The following CTNND1 variants were observed in gnomAD, a reference collection of about 807,000 sequenced individuals.
The protein encoded by CTNND1 is catenin delta 1.
A neutral mutation model predicts 112.1 loss-of-function variants in CTNND1; 16 were observed. The ratio of observed to expected loss-of-function variants is 0.14; its 90% CI spans 0.10 to 0.22. The LOEUF is 0.22. Ranked by LOEUF, CTNND1 falls within the 10% of genes least tolerant of loss-of-function variation. CTNND1 has a pLI of 1.00. For missense variants in CTNND1, 1,008 were observed against 1,257.0 expected, an observed-to-expected ratio of 0.80 and a Z score of 3.00; for synonymous variants, 420 against 446.5, an observed-to-expected ratio of 0.94 and a Z score of 0.75.
At chr11:57,776,932 T>G (rs75516064) in intron 1 of CTNND1, among the ~76,000 whole-genome samples, 182 of 152,324 alleles carry the variant, frequency 1.2e-3, no homozygotes, top group African/African-American at 3.9e-3. Context: ...TCTCCCCTAC[T>G]AAAAGCTACT....
chr11:57,777,393 T>A (rs1954575221), intron 1 of CTNND1, among the ~76,000 whole-genome samples: 1 of 152,162 alleles, frequency 6.6e-6, no homozygotes, highest in Non-Finnish European at 1.5e-5. Context: ...CTTAGCCACC[T>A]GGAGTAGCTT....
intron 9 of CTNND1, among the ~76,000 whole-genome samples, chr11:57,805,401 G>A (rs531082041): frequency 2.0e-5 from 3 of 151,880 alleles, no homozygotes; most frequent in South Asian, 2.1e-4. Context: ...CTGCCACCAT[G>A]CCCGGCTAAT....
In CTNND1 at chr11:57,796,918, G is replaced by A; in HGVS notation, c.882G>A (p.Leu294=). The A allele has an allele frequency of 6.3e-7, 1 of 1,583,896 alleles. No homozygotes were observed. Among genetic ancestry groups the A allele is most frequent in the South Asian group, 1.1e-5 (1 of 88,072 alleles). Residue 294 remains leucine (L), a synonymous_variant, in exon 6 of 21, where the codon CTG becomes CTA. Transcript: ENST00000399050. The part of the protein sequence containing the change: ...DDQRSMGYDD[L]DYGMMSDYGT... ...AGCGTAGTATGGGCTATGATGACCT[G>A]GATTATGGTATGATGTCTGATTATG...
At chr11:57,782,032 T>C (rs1415876425) in intron 1 of CTNND1, among the ~76,000 whole-genome samples, 2 of 151,678 alleles carry the variant, frequency 1.3e-5, no homozygotes, top group Admixed American at 1.3e-4. Context: ...ATGGTGGAGG[T>C]GATTTTTTTT....
At chr11:57,813,074 T>C (rs1236852981) in intron 17 of CTNND1, among the ~76,000 whole-genome samples, 1 of 152,202 alleles carries the variant, frequency 6.6e-6, no homozygotes, top group African/African-American at 2.4e-5. Flanking sequence ...CTCATGCTTA[T>C]AATCTCAGTA....
chr11:57,763,406 C>T (rs923195998), intron 1 of CTNND1, among the ~76,000 whole-genome samples: 9 of 152,234 alleles, frequency 5.9e-5, no homozygotes, highest in Non-Finnish European at 1.0e-4. Flanking sequence ...TCTCCCCTCA[C>T]CCCCCTGCCA....
At chr11:57,800,529 A>G (rs969147743) in intron 6 of CTNND1, among the ~76,000 whole-genome samples, 11 of 152,108 alleles carry the variant, frequency 7.2e-5, no homozygotes, top group African/African-American at 2.7e-4. Context: ...CAGCCTCCCA[A>G]AGTGCTGGGA....
chr11:57,815,669 A>G (rs765966049), intron 19 of CTNND1, 169 bp downstream of exon 19: 1 of 802,270 alleles, frequency 1.2e-6, no homozygotes, highest in Non-Finnish European at 2.2e-6. Flanking sequence ...TTGGGCCGTT[A>G]TTCTGCAGTG....
intron 1 of CTNND1, among the ~76,000 whole-genome samples, chr11:57,772,321 A>G (rs1284474463): frequency 2.0e-5 from 3 of 152,130 alleles, no homozygotes; most frequent in Non-Finnish European, 2.9e-5. Context: ...GTGACAGCCT[A>G]GACCTGTACA....
intron 14 of CTNND1, 66 bp from the exon 15 acceptor site, chr11:57,809,208 G>C: frequency 1.7e-6 from 2 of 1,155,722 alleles, no homozygotes; most frequent in Middle Eastern, 2.7e-4. Flanking sequence ...ATGCAGTTAA[G>C]TATAATGTAA....
intron 10 of CTNND1, 141 bp from the exon 11 acceptor site, chr11:57,806,320 G>A (rs1181636653): frequency 1.0e-5 from 9 of 882,206 alleles, no homozygotes; most frequent in East Asian, 7.9e-5. Flanking sequence ...TTCCCCATAC[G>A]TCCTTTGCAT....
chr11:57,806,850 C>A, intron 11 of CTNND1, 65 bp from the exon 12 acceptor site: 1 of 1,346,540 alleles, frequency 7.4e-7, no homozygotes, highest in Non-Finnish European at 1.0e-6. Flanking sequence ...GAAAAATGTG[C>A]CAGGTGGAAT....
In CTNND1 at chr11:57,794,338, C is replaced by T. The variant is rs543236907; in HGVS notation, c.267+257C>T. The stretch of plus-strand genomic sequence containing the variant: ...CACCCCATTTGATCCCTAAGTACTG[C>T]GTTTCTTTTCTAGAGACAGTAGGCT... On this transcript the variant is annotated intron_variant, in intron 4 of 20. Transcript: ENST00000399050. Among the ~76,000 whole-genome samples, 3 of 152,268 alleles carry T rather than the reference C, an allele frequency of 2.0e-5. 1 individual carries two copies. Among genetic ancestry groups the T allele is most frequent in the South Asian group, 4.1e-4 (2 of 4,824 alleles).
chr11:57,783,019 C>T (rs1236071182), intron 1 of CTNND1, among the ~76,000 whole-genome samples: 3 of 152,250 alleles, frequency 2.0e-5, no homozygotes, highest in Non-Finnish European at 2.9e-5. Context: ...GGCATGGTGG[C>T]TCACGCCTGT....
At chr11:57,787,777 T>G (rs1192106950) in intron 1 of CTNND1, among the ~76,000 whole-genome samples, 2 of 152,242 alleles carry the variant, frequency 1.3e-5, no homozygotes, top group African/African-American at 4.8e-5. Flanking sequence ...GAATCTGATC[T>G]TTTTGTGTAA....
Position 57,819,080 on chromosome 11 carries a change from G to T in CTNND1, c.*2772G>T, listed in dbSNP as rs1179360538. On this transcript the variant is annotated 3_prime_UTR_variant, in exon 21 of 21. Transcript: ENST00000399050. ...ATGGGAAGATACTTATTTTTCTGAG[G>T]TCCTTATGTCCTGTCATATAATTAA... 1 of 152,112 alleles carries T rather than the reference G, an allele frequency of 6.6e-6. No homozygotes were observed. Among genetic ancestry groups the T allele is most frequent in the African/African-American group, 2.4e-5 (1 of 41,422 alleles). 9.4% of individuals were successfully genotyped at this position (152,112 alleles called of 1,614,324 possible).
rs756334246 is a variant in CTNND1 at position 57,791,608 on chromosome 11, G to C, written c.130G>C (p.Val44Leu). The stretch of plus-strand genomic sequence containing the variant: ...CCACGTCTCGGCGCAGCTGGAACGC[G>C]TCCGGGTCTCACCACAAGATGCCAA... ...RRHVSAQLER[V>L]RVSPQDANPL... The change falls in exon 3 of 21, where the codon GTC becomes CTC. Residue 44 changes from valine (V) to leucine (L), a missense_variant. By Grantham distance (32) the Val-to-Leu change is conservative. Transcript: ENST00000399050. 1.9e-6 allele frequency: 3 copies of C among 1,608,618 alleles called. No individual in the cohort carries two copies. The highest frequency in any genetic ancestry group is 8.5e-7 in the Non-Finnish European group (1 of 1,177,602).
intron 2 of CTNND1, among the ~76,000 whole-genome samples, chr11:57,790,732 A>G (rs1374283866): frequency 3.3e-5 from 5 of 150,440 alleles, no homozygotes; most frequent in African/African-American, 1.2e-4. Flanking sequence ...CTTTTTTTGT[A>G]TTTTTTTAGT....
At chr11:57,784,889 A>G (rs903911064) in intron 1 of CTNND1, among the ~76,000 whole-genome samples, 1 of 152,156 alleles carries the variant, frequency 6.6e-6, no homozygotes, top group Non-Finnish European at 1.5e-5. Context: ...AGACAAAATT[A>G]TTTTTGCAAA....
Sources: allele counts gnomAD v4.1 joint callset (sites outside exome capture counted in the v4.1 genomes callset), GRCh38; gene constraint gnomAD v4.1.1; transcripts MANE v1.5; gene names NCBI Gene and HGNC (gene_info 2026-07-23, HGNC 2026-07-21).